CSTPP1: variants seen among roughly 807,000 people sequenced by gnomAD.
CSTPP1 encodes centriolar satellite-associated tubulin polyglutamylase complex regulator 1.
At chr11:46,985,051 T>C in the CSTPP1 span, among the ~76,000 whole-genome samples, 104 of 152,298 alleles carry the variant, frequency 6.8e-4, 1 homozygote, top group African/African-American at 2.4e-3. Flanking sequence ...GGATGAACTG[T>C]TGAGTTGAGG....
chr11:46,962,453 T>C, the CSTPP1 span, among the ~76,000 whole-genome samples: 1 of 152,212 alleles, frequency 6.6e-6, no homozygotes, highest in East Asian at 1.9e-4. Flanking sequence ...AGGATCAGCT[T>C]GTCAGTTTCT....
At chr11:47,038,356 A>G in the CSTPP1 span, among the ~76,000 whole-genome samples, 17 of 41,772 alleles carry the variant, frequency 4.1e-4, no homozygotes, top group Admixed American at 6.8e-4. Context: ...TCCTGGACGG[A>G]GTGGCTGGCC....
At chr11:46,994,794 A>G in the CSTPP1 span, among the ~76,000 whole-genome samples, 6 of 152,218 alleles carry the variant, frequency 3.9e-5, no homozygotes, top group African/African-American at 1.4e-4. Context: ...GCCTCATAAA[A>G]TGAGTTAGGG....
At chr11:47,054,665 C>T in the CSTPP1 span, among the ~76,000 whole-genome samples, 1 of 152,068 alleles carries the variant, frequency 6.6e-6, no homozygotes, top group East Asian at 1.9e-4. Flanking sequence ...AAAGATCATT[C>T]AAAAGGCAGT....
At chr11:46,965,390 A>G in the CSTPP1 span, among the ~76,000 whole-genome samples, 1 of 151,872 alleles carries the variant, frequency 6.6e-6, no homozygotes, top group Non-Finnish European at 1.5e-5. Flanking sequence ...ACGCCCAGCT[A>G]ATTTTTGTAT....
At chr11:47,075,189 T>G in the CSTPP1 span, among the ~76,000 whole-genome samples, 1 of 152,054 alleles carries the variant, frequency 6.6e-6, no homozygotes, top group East Asian at 1.9e-4. Context: ...TTGGCCAACA[T>G]GGTGAAACCC....
the CSTPP1 span, among the ~76,000 whole-genome samples, chr11:47,043,178 C>A: frequency 6.6e-6 from 1 of 152,124 alleles, no homozygotes; most frequent in Admixed American, 6.6e-5. Flanking sequence ...GAGCTAGCCC[C>A]TTTTGCCTCC....
the CSTPP1 span, among the ~76,000 whole-genome samples, chr11:46,960,621 T>C: frequency 6.6e-6 from 1 of 152,018 alleles, no homozygotes; most frequent in Non-Finnish European, 1.5e-5. Context: ...GAGGCCGAGG[T>C]GGGTAAATGA....
chr11:46,960,181 A>G, the CSTPP1 span, among the ~76,000 whole-genome samples: 1 of 152,092 alleles, frequency 6.6e-6, no homozygotes. Context: ...TAATTTTTTG[A>G]AAGACACAGA....
the CSTPP1 span, chr11:47,162,224 T>TAA: frequency 5.1e-6 from 5 of 985,428 alleles, no homozygotes; most frequent in African/African-American, 8.7e-5. Context: ...GTGAAACGAA[T>TAA]AAAAAGTCCC....
chr11:47,127,705 A>C, the CSTPP1 span, among the ~76,000 whole-genome samples: 11 of 152,120 alleles, frequency 7.2e-5, no homozygotes, highest in African/African-American at 2.7e-4. Context: ...TAAAAAAAAA[A>C]AGATTTTTTA....
At chr11:46,963,668 C>T in the CSTPP1 span, among the ~76,000 whole-genome samples, 1 of 151,642 alleles carries the variant, frequency 6.6e-6, no homozygotes, top group Non-Finnish European at 1.5e-5. Flanking sequence ...ACCTGTAATC[C>T]CAGCTACTCC....
At chr11:47,160,959 C>A in the CSTPP1 span, 2 of 815,018 alleles carry the variant, frequency 2.5e-6, no homozygotes, top group East Asian at 2.7e-5. Context: ...CAGCGAGCAC[C>A]TTCCTGCTCC....
At chr11:47,101,854 A>G in the CSTPP1 span, among the ~76,000 whole-genome samples, 4 of 152,200 alleles carry the variant, frequency 2.6e-5, no homozygotes, top group African/African-American at 4.8e-5. Context: ...ATCAGAAGAC[A>G]TCAGGTCTAG....
chr11:47,107,995 G>GCACA, the CSTPP1 span, among the ~76,000 whole-genome samples: 1 of 152,140 alleles, frequency 6.6e-6, no homozygotes, highest in Non-Finnish European at 1.5e-5. Flanking sequence ...GCGCATGTGC[G>GCACA]CACACACACA....
At chr11:47,160,722 G>A in the CSTPP1 span, 1 of 161,890 alleles carries the variant, frequency 6.2e-6, no homozygotes, top group Admixed American at 6.3e-5. Context: ...CCAAAGTGGG[G>A]TCATCCTGAT....
the CSTPP1 span, chr11:47,161,528 TCCCGGACCCCTC>T: frequency 1.2e-6 from 2 of 1,614,134 alleles, no homozygotes; most frequent in Non-Finnish European, 1.7e-6. Flanking sequence ...TTGCCTGCCT[TCCCGGACCCCTC>T]CCCGGGTTGG....
At chr11:47,055,444 T>C in the CSTPP1 span, among the ~76,000 whole-genome samples, 2 of 146,976 alleles carry the variant, frequency 1.4e-5, no homozygotes, top group Non-Finnish European at 3.0e-5. Flanking sequence ...ATTTATGAGA[T>C]TCCCCACCAT....
the CSTPP1 span, among the ~76,000 whole-genome samples, chr11:47,093,487 C>A: frequency 0.98 from 150,030 of 152,344 alleles, 73,918 homozygotes; most frequent in Middle Eastern, 1. Flanking sequence ...AATTGAGCAC[C>A]ACAAAGTCTT....
Sources: allele counts gnomAD v4.1 joint callset (sites outside exome capture counted in the v4.1 genomes callset), GRCh38; gene constraint gnomAD v4.1.1; transcripts MANE v1.5; gene names NCBI Gene and HGNC (gene_info 2026-07-23, HGNC 2026-07-21).